The following DTX2 variants were observed in gnomAD, a reference collection of about 807,000 sequenced individuals.
DTX2 encodes probable E3 ubiquitin-protein ligase DTX2.
DTX2 carries 29 observed loss-of-function variants against 55.3 expected under a neutral mutation model. That is an observed-to-expected ratio of 0.52 (90% CI 0.39 to 0.71). The LOEUF (loss-of-function observed/expected upper bound fraction) is 0.71. Ranked by LOEUF, DTX2 falls within the 30% of genes least tolerant of loss-of-function variation. DTX2 has a pLI of 0.00. For synonymous variants in DTX2, 276 were observed against 340.4 expected (o/e 0.81, Z 2.08); for missense variants, 537 against 822.5 (o/e 0.65, Z 4.25).
Position 76,482,587 on chromosome 7 carries a change from C to T in DTX2, c.348C>T (p.Ser116=), listed in dbSNP as rs755621540. 4.4e-5 allele frequency: 71 copies of T among 1,613,498 alleles called. No homozygotes were observed. Among genetic ancestry groups the T allele is most frequent in the Non-Finnish European group, 5.6e-5 (66 of 1,179,716 alleles). ...GAGGTGTCGTCTGGGAGTGGCTGAGCGACGATGGCTCCTGGACTGCCTATG... is the reference window on the plus strand; with the variant it reads ...GAGGTGTCGTCTGGGAGTGGCTGAGTGACGATGGCTCCTGGACTGCCTATG... The part of the protein sequence containing the change: ...PGRGVVWEWL[S]DDGSWTAYEA... The change falls in exon 4 of 11, where the codon AGC becomes AGT. Residue 116 remains serine, a synonymous_variant. Transcript: ENST00000430490.
intron 7 of DTX2, among the ~76,000 whole-genome samples, chr7:76,500,869 G>A (rs760749861): frequency 4.3e-4 from 65 of 152,010 alleles, no homozygotes; most frequent in South Asian, 1.0e-3. Context: ...AGGTGGCCTC[G>A]TCCAGGTGGC....
chr7:76,465,146 C>G (rs1364329729), intron 2 of DTX2, among the ~76,000 whole-genome samples: 5 of 146,908 alleles, frequency 3.4e-5, no homozygotes, highest in Admixed American at 3.3e-4. Context: ...ATCCAGGCAT[C>G]GTGGGAAGTG....
intron 6 of DTX2, among the ~76,000 whole-genome samples, chr7:76,498,818 TGGGGTGTGTAGAG>T (rs1811245829): frequency 7.4e-6 from 1 of 134,396 alleles, no homozygotes; most frequent in Admixed American, 7.3e-5. Context: ...GTGGGGTGTG[TGGGGTGTGTAGAG>T]GTGAGGGTGT....
chr7:76,488,276 C>T (rs1192663012), intron 4 of DTX2, among the ~76,000 whole-genome samples: 1 of 75,928 alleles, frequency 1.3e-5, no homozygotes, highest in East Asian at 3.4e-4. Context: ...CGGAAGCAAA[C>T]GTTCTCGTTC....
rs1249298265 is a variant in DTX2, at chr7:76,505,369, G to A, written c.1642-5G>A. 4 of 1,566,830 alleles carry A rather than the reference G, an allele frequency of 2.6e-6. No individual in the cohort carries two copies. The East Asian group carries it at 9.6e-5, about 37-fold the overall frequency. On this transcript the variant is annotated splice_polypyrimidine_tract_variant and splice_region_variant and intron_variant, in intron 10 of 10. Coordinates refer to ENST00000430490, the MANE Select transcript of DTX2 (RefSeq NM_001102594.3). The surrounding 1 kb of genome is among the most constrained non-coding windows in gnomAD (Gnocchi z 4.4). ...TTCCTCTTCCCCCTCCTCCTCCCCG[G>A]GCAGGTCCTAGAGCTCCTGAAGGTG...
intron 6 of DTX2, chr7:76,499,950 G>A (rs1275854343): frequency 5.7e-6 from 2 of 349,954 alleles, no homozygotes; most frequent in Admixed American, 3.8e-5. Flanking sequence ...TCTGTGTGGC[G>A]GTCGGCGTGT....
In DTX2 at chr7:76,505,022, A is replaced by G. The variant is rs1233165296; in HGVS notation, c.1642-352A>G. 1.7e-5 allele frequency among the ~76,000 whole-genome samples: 1 copy of G among 57,910 alleles called. No individual in the cohort carries two copies. The highest frequency in any genetic ancestry group is 6.9e-5 in the African/African-American group (1 of 14,502). The allele number at this position is 57,910 out of a possible 152,430, so 38.0% of individuals were successfully genotyped here. A position where few individuals can be genotyped will look rare whatever the true frequency, so the allele number is the denominator to read the frequency against. ...CTGGAGGCGGGGAGAGGGCAGGGAG[A>G]GGGCAGGGAGGCCTGGATTCCACCA... On this transcript the variant is annotated intron_variant, in intron 10 of 10. Coordinates refer to ENST00000430490, the MANE Select transcript of DTX2 (RefSeq NM_001102594.3). This position sits in a 1 kb window ranked among gnomAD's most constrained non-coding sequence, Gnocchi z 4.4.
At chr7:76,501,943 C>T in intron 7 of DTX2, 2 of 281,104 alleles carry the variant, frequency 7.1e-6, no homozygotes, top group Non-Finnish European at 1.3e-5. Flanking sequence ...GGCTGGAGTG[C>T]AGTGGCACAA....
chr7:76,482,870 T>A lies in DTX2; in HGVS notation c.631T>A (p.Ser211Thr), dbSNP rs766027737. The change falls in exon 4 of 11, where the codon TCA (serine) becomes ACA (threonine). Residue 211 changes from serine (S) to threonine (T), a missense_variant. Transcript: ENST00000430490. ...CAGTGGCAGCAGAACTGGCCCCGTG[T>A]CAGGCCGCTACCGCCACTCCATGAC... The part of the protein sequence containing the change: ...CLSGSRTGPV[S>T]GRYRHSMTNL... The A allele has an allele frequency of 1.2e-6, 2 of 1,613,784 alleles. No individual in the cohort carries two copies. The highest frequency in any genetic ancestry group is 4.5e-5 in the East Asian group (2 of 44,880).
intron 2 of DTX2, among the ~76,000 whole-genome samples, chr7:76,474,017 G>A (rs1219379348): frequency 7.1e-6 from 1 of 140,604 alleles, no homozygotes; most frequent in East Asian, 2.2e-4. Context: ...CACCTCCCGG[G>A]TTCAAGCGAT....
chr7:76,486,059 AGCCTCAAAGGGGCCT>A (rs1275286659), intron 4 of DTX2, among the ~76,000 whole-genome samples: 1 of 88,214 alleles, frequency 1.1e-5, no homozygotes, highest in Non-Finnish European at 2.1e-5. Context: ...TAGTGGAAAC[AGCCTCAAAGGGGCCT>A]GCCTCCTGGG....
chr7:76,503,738 G>A lies in DTX2; in HGVS notation c.1551+151G>A, dbSNP rs570962646. 51 of 894,272 alleles carry A rather than the reference G, an allele frequency of 5.7e-5. 1 individual carries two copies. In the South Asian group the frequency reaches 7.1e-4, roughly 12 times the overall value. 55.4% of individuals were successfully genotyped at this position (894,272 alleles called of 1,614,324 possible). On this transcript the variant is annotated intron_variant, in intron 9 of 10. Transcript: ENST00000430490. ...CCTAAGGCCAGAGCCATGGAGGGCC[G>A]GGAATGGGGAGGCAGTGCCGGGGCT...
chr7:76,472,479 AC>A (rs1808043641), intron 2 of DTX2, among the ~76,000 whole-genome samples: 1 of 145,690 alleles, frequency 6.9e-6, no homozygotes, highest in Admixed American at 6.9e-5. Flanking sequence ...GGTGCATGCC[AC>A]CATGCCCAGC....
chr7:76,495,691 T>C (rs1331607015), intron 5 of DTX2, among the ~76,000 whole-genome samples: 1 of 150,606 alleles, frequency 6.6e-6, no homozygotes, highest in African/African-American at 2.4e-5. Flanking sequence ...GTGCTGGAGA[T>C]GCAGCTACGG....
At chr7:76,486,772 G>A (rs1462707996) in intron 4 of DTX2, among the ~76,000 whole-genome samples, 2 of 138,108 alleles carry the variant, frequency 1.4e-5, no homozygotes, top group Non-Finnish European at 3.2e-5. Flanking sequence ...GCCTGTGGGC[G>A]TTTTGCTCTG....
chr7:76,483,018 G>A lies in DTX2; in HGVS notation c.779G>A (p.Arg260Lys). ...CTCTCCGGGGCCCGGTCTGCGCCCA[G>A]GCTGAACACCACCAACGCCTGGGGC... ...PSLSGARSAP[R>K]LNTTNAWGAA... The change falls in exon 4 of 11, where the codon AGG becomes AAG. Residue 260 changes from arginine to lysine, a missense_variant. By Grantham distance (26) the Arg-to-Lys change is conservative. This residue lies in a region of DTX2 where 301 missense variants were observed against 396.6 expected (regional missense o/e 0.76). Transcript: ENST00000430490. 1 of 1,613,588 alleles carries A rather than the reference G, an allele frequency of 6.2e-7. No individual in the cohort carries two copies. The highest frequency in any genetic ancestry group is 8.5e-7 in the Non-Finnish European group (1 of 1,179,738).
At chr7:76,498,118 G>C (rs1349661542) in intron 6 of DTX2, among the ~76,000 whole-genome samples, 1 of 152,256 alleles carries the variant, frequency 6.6e-6, no homozygotes, top group Non-Finnish European at 1.5e-5. Flanking sequence ...GGCCAGTCCA[G>C]ACGCTCTTGA....
rs1809420348 is a variant in DTX2 at position 76,482,826 on chromosome 7, G to C, written c.587G>C (p.Cys196Ser). Residue 196 changes from cysteine to serine, a missense_variant, in exon 4 of 11, where the codon TGC (cysteine) becomes TCC (serine). Physicochemically the swap from Cys to Ser is moderately radical, Grantham distance 112. Coordinates refer to ENST00000430490, the MANE Select transcript of DTX2 (RefSeq NM_001102594.3). The stretch of plus-strand genomic sequence containing the variant: ...CCGCCGGGCCACACAGGCGTCGCCT[G>C]CTCTTGCCACCAGTGCCTCAGTGGC... Reference protein sequence around the residue: ...IAPPGHTGVACSCHQCLSGSR... With the variant: ...IAPPGHTGVASSCHQCLSGSR... The C allele has an allele frequency of 6.2e-7, 1 of 1,613,728 alleles. No individual in the cohort carries two copies. Among genetic ancestry groups the C allele is most frequent in the African/African-American group, 1.3e-5 (1 of 74,908 alleles).
At chr7:76,468,758 A>ATTTTTTTTTTTTTTTTTTTTTTTT (rs3972784) in intron 2 of DTX2, among the ~76,000 whole-genome samples, 1 of 27,044 alleles carries the variant, frequency 3.7e-5, no homozygotes, top group African/African-American at 2.1e-4. Flanking sequence ...CACGCCCAGC[A>ATTTTTTTTTTTTTTTTTTTTTTTT]TTTTTTTTTT....
Sources: allele counts gnomAD v4.1 joint callset (sites outside exome capture counted in the v4.1 genomes callset), GRCh38; gene constraint gnomAD v4.1.1; regional missense constraint gnomAD v4.1.1; non-coding constraint Gnocchi (gnomAD v3.1); transcripts MANE v1.5; gene names NCBI Gene and HGNC (gene_info 2026-07-23, HGNC 2026-07-21).